BICDL1: variants seen among roughly 807,000 people sequenced by gnomAD.
The protein encoded by BICDL1 is BICD family-like cargo adapter 1.
In BICDL1, 20 loss-of-function variants were observed where a neutral mutation model predicts 76.8. That is an observed-to-expected ratio of 0.26 (90% CI 0.18 to 0.38). BICDL1 has a LOEUF of 0.38. Among genes scored for constraint, BICDL1 ranks in the 10% least tolerant of loss-of-function variants. The pLI is 1.00. For synonymous variants in BICDL1, 383 were observed against 337.1 expected (o/e 1.14, Z -1.49); for missense variants, 700 against 798.6 (o/e 0.88, Z 1.49).
intron 6 of BICDL1, 34 bp downstream of exon 6, chr12:120,072,763 C>T: frequency 6.3e-7 from 1 of 1,583,920 alleles, no homozygotes; most frequent in Non-Finnish European, 8.6e-7. Flanking sequence ...CCTTACCCCA[C>T]AGGAGCTGGC....
At position 120,072,720 on chromosome 12, in the gene BICDL1, G is replaced by C. The variant is rs1361187107; in HGVS notation, c.1299G>C (p.Met433Ile). Residue 433 changes from methionine (M) to isoleucine (I), a missense_variant, in exon 6 of 10, where the codon ATG becomes ATC. By Grantham distance (10) the Met-to-Ile change is conservative. Around this residue, in one of 3 missense-constraint regions of BICDL1, gnomAD observed 455 missense variants for 548.7 expected, o/e 0.83. Coordinates refer to ENST00000548673, the MANE Select transcript of BICDL1 (RefSeq NM_001367886.1). ...TGATACAGAGCATTGTGGATGGCAT[G>C]GAGCCCACGGTAAGAGGCCAGTCTG... ...KRLIQSIVDG[M>I]EPTGSRRLDD... 1 of 1,611,946 alleles carries C rather than the reference G, an allele frequency of 6.2e-7. No individual in the cohort carries two copies. Among genetic ancestry groups the C allele is most frequent in the African/African-American group, 1.3e-5 (1 of 74,874 alleles).
chr12:120,003,661 C>T (rs887032142), intron 2 of BICDL1, among the ~76,000 whole-genome samples: 2 of 152,178 alleles, frequency 1.3e-5, no homozygotes, highest in South Asian at 4.1e-4. Flanking sequence ...CATAAAAAGC[C>T]AGTCTTCAAT....
intron 9 of BICDL1, chr12:120,091,586 G>A (rs551961495): frequency 2.0e-6 from 2 of 984,972 alleles, no homozygotes; most frequent in African/African-American, 1.7e-5. Context: ...GGGGATGGAA[G>A]AGAAGGGAAG....
intron 9 of BICDL1, among the ~76,000 whole-genome samples, chr12:120,090,580 G>A (rs1045968350): frequency 1.5e-5 from 2 of 130,884 alleles, no homozygotes; most frequent in Admixed American, 1.4e-4. Context: ...TCAGGGTCCA[G>A]CATGGCTCCC....
At chr12:120,090,234 C>A in intron 9 of BICDL1, 163 bp downstream of exon 9, 12 of 768,970 alleles carry the variant, frequency 1.6e-5, no homozygotes, top group Non-Finnish European at 2.0e-5. Context: ...GTCCCCTAGT[C>A]CTTGGGGAAG....
chr12:120,025,127 G>A (rs938837985), intron 2 of BICDL1, among the ~76,000 whole-genome samples: 10 of 147,220 alleles, frequency 6.8e-5, no homozygotes, highest in African/African-American at 2.5e-4. Flanking sequence ...TCAGCTCACT[G>A]CAGGCTCCGC....
intron 2 of BICDL1, among the ~76,000 whole-genome samples, chr12:120,022,837 A>T (rs987771346): frequency 1.3e-5 from 2 of 152,208 alleles, no homozygotes; most frequent in African/African-American, 4.8e-5. Context: ...CTGTAAGTTG[A>T]CATGGTACTG....
At chr12:120,003,628 T>C (rs563091565) in intron 2 of BICDL1, among the ~76,000 whole-genome samples, 2 of 152,316 alleles carry the variant, frequency 1.3e-5, no homozygotes, top group Admixed American at 1.3e-4. Flanking sequence ...CTAATATTAT[T>C]ATCATAGATA....
intron 3 of BICDL1, among the ~76,000 whole-genome samples, chr12:120,062,864 A>T (rs2138905261): frequency 6.6e-6 from 1 of 152,068 alleles, no homozygotes; most frequent in South Asian, 2.1e-4. Flanking sequence ...TGACTCCTTC[A>T]CGTTTCCTGT....
At chr12:119,998,402 G>A (rs999269738) in intron 1 of BICDL1, 119 bp from the exon 2 acceptor site, 3 of 742,736 alleles carry the variant, frequency 4.0e-6, no homozygotes, top group Admixed American at 3.2e-5. Context: ...GTCCTATGTG[G>A]TAGGGTGTTT....
rs115237445 is a variant in BICDL1 at position 120,092,610 on chromosome 12, G to A, written c.1705-390G>A. The stretch of plus-strand genomic sequence containing the variant: ...CTAGGGCCTGCCGGGGCTGGGGGTG[G>A]CAAGCCAAACCGGAGGCACCAGCCA... On this transcript the variant is annotated intron_variant, in intron 9 of 9. Transcript: ENST00000548673. 1.6e-3 allele frequency: 1,601 copies of A among 985,466 alleles called. 17 individuals carry two copies. The African/African-American group carries it at 0.026, about 16-fold the overall frequency. The allele number at this position is 985,466 out of a possible 1,614,324, so 61.0% of individuals were successfully genotyped here.
chr12:120,087,822 G>T (rs1390743261), intron 8 of BICDL1, among the ~76,000 whole-genome samples: 3 of 152,176 alleles, frequency 2.0e-5, no homozygotes, highest in African/African-American at 7.2e-5. Flanking sequence ...AAACACAAAT[G>T]TGAAAATAAA....
Position 120,074,591 on chromosome 12 carries a change from GC to G in BICDL1, c.1452+6del. 1 of 1,214,706 alleles carries G rather than the reference GC, an allele frequency of 8.2e-7. No homozygotes were observed. The highest frequency in any genetic ancestry group is 1.1e-6 in the Non-Finnish European group (1 of 952,182). The allele number at this position is 1,214,706 out of a possible 1,614,324, so 75.2% of individuals were successfully genotyped here. On this transcript the variant is annotated splice_donor_region_variant and intron_variant, in intron 7 of 9. Transcript: ENST00000548673. ...CTGCAGCGACTCCACAGTCAGGTGA[GC>G]ACCCCAACCTTCAGTTCAGTGCAGG...
chr12:120,057,149 A>G (rs1952991980), intron 2 of BICDL1: 2 of 516,328 alleles, frequency 3.9e-6, no homozygotes, highest in Admixed American at 3.9e-5. Flanking sequence ...GTTCCCAATT[A>G]TTACAGAGAA....
chr12:120,016,638 T>G (rs1026842183), intron 2 of BICDL1, among the ~76,000 whole-genome samples: 12 of 151,990 alleles, frequency 7.9e-5, no homozygotes, highest in African/African-American at 2.9e-4. Flanking sequence ...CAGGCTGATC[T>G]TGAACTCTTG....
chr12:119,997,425 C>T (rs1042378401), intron 1 of BICDL1, among the ~76,000 whole-genome samples: 6 of 152,152 alleles, frequency 3.9e-5, no homozygotes, highest in Admixed American at 6.5e-5. Flanking sequence ...CTCATTAGAA[C>T]GTCCCTAGGA....
rs1355030379 is a variant in BICDL1 at position 120,072,848 on chromosome 12, ATTC to A, written c.1308+124_1308+126del. 98 of 842,442 alleles carry A rather than the reference ATTC, an allele frequency of 1.2e-4. No homozygotes were observed. In the East Asian group the frequency reaches 2.4e-3, roughly 20 times the overall value. 52.2% of individuals were successfully genotyped at this position (842,442 alleles called of 1,614,324 possible). On this transcript the variant is annotated intron_variant, in intron 6 of 9. Coordinates refer to ENST00000548673, the MANE Select transcript of BICDL1 (RefSeq NM_001367886.1). ...GGAACCCTATAAAATATCTGCAAGA[ATTC>A]TTCTGAGCCCTTATTGGTTGTTTTG...
chr12:120,050,820 C>G (rs985287693), intron 2 of BICDL1, among the ~76,000 whole-genome samples: 1 of 151,462 alleles, frequency 6.6e-6, no homozygotes, highest in Non-Finnish European at 1.5e-5. Context: ...TTATTAGAGA[C>G]AGAATTCTTC....
chr12:120,057,285 GA>G, intron 2 of BICDL1: 3 of 353,588 alleles, frequency 8.5e-6, no homozygotes, highest in South Asian at 6.5e-5. Context: ...AACGTGCTGG[GA>G]TTACACCGCG....
Sources: allele counts gnomAD v4.1 joint callset (sites outside exome capture counted in the v4.1 genomes callset), GRCh38; gene constraint gnomAD v4.1.1; regional missense constraint gnomAD v4.1.1; transcripts MANE v1.5; gene names NCBI Gene and HGNC (gene_info 2026-07-23, HGNC 2026-07-21).